Variants in APCDD1L observed in about 807,000 individuals in gnomAD.
APCDD1L encodes the protein protein APCDD1-like.
In APCDD1L, 21 loss-of-function variants were observed where a neutral mutation model predicts 24.2. The observed-to-expected ratio is 0.87, with a 90% CI of 0.61 to 1.25. APCDD1L has a LOEUF of 1.25. Among genes scored for constraint, APCDD1L ranks in the 50% most tolerant of loss-of-function variants. APCDD1L has a pLI of 0.00. For synonymous variants in APCDD1L, 321 were observed against 323.6 expected, an observed-to-expected ratio of 0.99 and a Z score of 0.09; for missense variants, 704 against 711.7, an observed-to-expected ratio of 0.99 and a Z score of 0.12.
At chr20:58,470,879 C>T in intron 1 of APCDD1L, 132 bp from the exon 2 acceptor site, 2 of 1,278,598 alleles carry the variant, frequency 1.6e-6, no homozygotes, top group South Asian at 1.6e-5. Flanking sequence ...CAGCCCCGTC[C>T]CCAGGGTGCC....
intron 1 of APCDD1L, among the ~76,000 whole-genome samples, chr20:58,476,643 T>C (rs1174787889): frequency 6.6e-6 from 1 of 152,230 alleles, no homozygotes; most frequent in Non-Finnish European, 1.5e-5. Flanking sequence ...CCATCCCAAG[T>C]GTCTTGATGG....
intron 1 of APCDD1L, among the ~76,000 whole-genome samples, chr20:58,482,931 C>T (rs2123158275): frequency 6.6e-6 from 1 of 152,266 alleles, no homozygotes; most frequent in Admixed American, 6.5e-5. Flanking sequence ...GTGTGCTTGG[C>T]CATGGGGTTG....
At chr20:58,499,990 TG>T (rs1273950807) in intron 1 of APCDD1L, among the ~76,000 whole-genome samples, 4 of 152,222 alleles carry the variant, frequency 2.6e-5, no homozygotes, top group African/African-American at 4.8e-5. Flanking sequence ...ACACCAAGAT[TG>T]TTTTTTTAAA....
At chr20:58,477,198 T>C (rs1383907232) in intron 1 of APCDD1L, among the ~76,000 whole-genome samples, 1 of 152,240 alleles carries the variant, frequency 6.6e-6, no homozygotes, top group Non-Finnish European at 1.5e-5. Context: ...CAATACAGTG[T>C]TCTTAACGAG....
intron 1 of APCDD1L, among the ~76,000 whole-genome samples, chr20:58,482,409 C>T (rs144105291): frequency 2.0e-5 from 3 of 152,242 alleles, no homozygotes; most frequent in African/African-American, 7.2e-5. Context: ...ATCCCAAAGA[C>T]GCAAATATTG....
intron 1 of APCDD1L, among the ~76,000 whole-genome samples, chr20:58,483,237 G>T (rs1412638863): frequency 2.0e-5 from 3 of 152,128 alleles, no homozygotes; most frequent in Admixed American, 6.5e-5. Context: ...CGTGGGGAGG[G>T]TTGTCATGGG....
chr20:58,470,542 T>TGCCGAGTCCCAGAGGCAGAAGTC, intron 2 of APCDD1L, 67 bp downstream of exon 2: 1 of 1,490,824 alleles, frequency 6.7e-7, no homozygotes, highest in African/African-American at 1.4e-5. Flanking sequence ...AAAGATTGGA[T>TGCCGAGTCCCAGAGGCAGAAGTC]GCCGAGTCCC....
chr20:58,484,785 T>C (rs1193275259), intron 1 of APCDD1L, among the ~76,000 whole-genome samples: 1 of 152,114 alleles, frequency 6.6e-6, no homozygotes, highest in Non-Finnish European at 1.5e-5. Flanking sequence ...AAAAGAAATA[T>C]GTGGCTTGCA....
intron 1 of APCDD1L, among the ~76,000 whole-genome samples, chr20:58,490,511 C>T (rs6026308): frequency 0.5 from 76,157 of 152,052 alleles, 19,406 homozygotes; most frequent in East Asian, 0.68. Context: ...GCATAACACA[C>T]AAACTTACGG....
intron 3 of APCDD1L, among the ~76,000 whole-genome samples, chr20:58,464,770 G>A (rs942983609): frequency 1.2e-4 from 19 of 152,174 alleles, no homozygotes; most frequent in African/African-American, 4.6e-4. Flanking sequence ...GTGGGCCCCA[G>A]AGAGCTTAAG....
chr20:58,471,247 G>A (rs964280739), intron 1 of APCDD1L, among the ~76,000 whole-genome samples: 4 of 152,196 alleles, frequency 2.6e-5, no homozygotes, highest in African/African-American at 9.6e-5. Flanking sequence ...GAGCCCTGGG[G>A]GCTGCTTGGC....
At chr20:58,493,124 CAT>C (rs1170657890) in intron 1 of APCDD1L, among the ~76,000 whole-genome samples, 8 of 152,328 alleles carry the variant, frequency 5.3e-5, no homozygotes, top group Non-Finnish European at 7.3e-5. Flanking sequence ...TGCACACACA[CAT>C]ACAGATGCAC....
intron 1 of APCDD1L, among the ~76,000 whole-genome samples, chr20:58,481,575 C>G (rs1271299435): frequency 6.6e-6 from 1 of 152,208 alleles, no homozygotes; most frequent in African/African-American, 2.4e-5. Context: ...ACCCTTGGAT[C>G]TGAGACCTGC....
intron 1 of APCDD1L, among the ~76,000 whole-genome samples, chr20:58,493,493 C>T (rs571366286): frequency 6.6e-6 from 1 of 152,306 alleles, no homozygotes; most frequent in South Asian, 2.1e-4. Flanking sequence ...TTGCAGCTTC[C>T]TCACACATTG....
rs371887146 is a variant in APCDD1L, at chr20:58,460,761, G to C, written c.*29C>G. 1.3e-6 allele frequency: 2 copies of C among 1,510,382 alleles called. No homozygotes were observed. Among genetic ancestry groups the C allele is most frequent in the African/African-American group, 2.8e-5 (2 of 71,532 alleles). 93.6% of individuals were successfully genotyped at this position (1,510,382 alleles called of 1,614,324 possible). A position where few individuals can be genotyped will look rare whatever the true frequency, so the allele number is the denominator to read the frequency against. On this transcript the variant is annotated 3_prime_UTR_variant, in exon 4 of 4. Coordinates refer to ENST00000371149, the MANE Select transcript of APCDD1L (RefSeq NM_153360.3). This position sits in a 1 kb window ranked among gnomAD's most constrained non-coding sequence, Gnocchi z 4.2. ...GTCTGAAGGGTTGAATGGGTGTCCA[G>C]AGCCGCCATCCTGATGTCAAGTCCA...
chr20:58,462,925 T>C (rs1989637997), intron 3 of APCDD1L, among the ~76,000 whole-genome samples: 1 of 151,084 alleles, frequency 6.6e-6, no homozygotes, highest in Non-Finnish European at 1.5e-5. Flanking sequence ...GGATAGATCA[T>C]GAGGTCAGGA....
chr20:58,466,976 G>A (rs937000955), intron 3 of APCDD1L, 130 bp downstream of exon 3: 3 of 1,141,276 alleles, frequency 2.6e-6, no homozygotes, highest in African/African-American at 1.6e-5. Flanking sequence ...AGTGGGGAGG[G>A]GCAGTGATGA....
intron 3 of APCDD1L, among the ~76,000 whole-genome samples, chr20:58,466,002 G>C (rs902014311): frequency 2.6e-5 from 4 of 151,982 alleles, no homozygotes; most frequent in Non-Finnish European, 5.9e-5. Context: ...CCAGCCACCA[G>C]AGGGGTCTCT....
Position 58,494,265 on chromosome 20 carries a change from TTTTTC to T in APCDD1L, c.49+20389_49+20393del, listed in dbSNP as rs145297611. Among the ~76,000 whole-genome samples the T allele has an allele frequency of 4.6e-5, 7 of 151,078 alleles. No individual in the cohort carries two copies. The highest frequency in any genetic ancestry group is 3.9e-4 in the East Asian group (2 of 5,132). ...TGGTTTAAGGGTCAACTGCATTTCT[TTTTTC>T]TTTTCTTTTCTTTTCTTACTTTTCT... On this transcript the variant is annotated intron_variant, in intron 1 of 3. Coordinates refer to ENST00000371149, the MANE Select transcript of APCDD1L (RefSeq NM_153360.3). The surrounding 1 kb of genome is among the most constrained non-coding windows in gnomAD (Gnocchi z 4.8).
Sources: gnomAD v4.1 joint callset for allele counts (sites outside exome capture counted in the v4.1 genomes callset) on GRCh38, gnomAD v4.1.1 for gene constraint, Gnocchi (gnomAD v3.1) non-coding constraint, MANE v1.5 for transcripts, NCBI Gene and HGNC (gene_info 2026-07-23, HGNC 2026-07-21) for gene names.